Variants in TBC1D9B observed in about 807,000 individuals in gnomAD.
TBC1D9B encodes the protein TBC1 domain family, member 9B (with GRAM domain).
A neutral mutation model predicts 121.1 loss-of-function variants in TBC1D9B; 87 were observed. The ratio of observed to expected loss-of-function variants is 0.72; its 90% CI spans 0.60 to 0.86. The LOEUF is 0.86. Among genes scored for constraint, TBC1D9B ranks in the 40% least tolerant of loss-of-function variants. The pLI is 0.00. For synonymous variants in TBC1D9B, 668 were observed against 670.1 expected (o/e 1.00, Z 0.05); for missense variants, 1,540 against 1,628.6 (o/e 0.95, Z 0.94).
Position 179,868,992 on chromosome 5 carries a change from G to A in TBC1D9B, c.2791+777C>T, listed in dbSNP as rs148242668. On this transcript the variant is annotated intron_variant, in intron 17 of 20. Transcript: ENST00000355235. The stretch of plus-strand genomic sequence containing the variant: ...AAGAGCCTTCAGCTCTGGAGGCACA[G>A]AGCAATGGCCTGCCAGCTTTAAAAA... The A allele has an allele frequency of 5.1e-3, 791 of 154,260 alleles. 8 individuals carry two copies. The highest frequency in any genetic ancestry group is 0.018 in the African/African-American group (763 of 41,588). The allele number at this position is 154,260 out of a possible 1,614,324, so 9.6% of individuals were successfully genotyped here. A position where few individuals can be genotyped will look rare whatever the true frequency, so the allele number is the denominator to read the frequency against.
At chr5:179,873,341 T>C (rs902999965) in intron 12 of TBC1D9B, 93 bp from the exon 13 acceptor site, 2 of 1,450,766 alleles carry the variant, frequency 1.4e-6, no homozygotes, top group African/African-American at 1.4e-5. Context: ...CCAATCTTTA[T>C]GCAGACTCCT....
chr5:179,886,764 T>A (rs1009893988), intron 7 of TBC1D9B, among the ~76,000 whole-genome samples: 1 of 152,240 alleles, frequency 6.6e-6, no homozygotes, highest in Admixed American at 6.5e-5. Flanking sequence ...GCTGGATCTG[T>A]GAATTTGCAT....
Position 179,875,944 on chromosome 5 carries a change from C to T in TBC1D9B, c.1876G>A (p.Asp626Asn), listed in dbSNP as rs777356719. 1.8e-5 allele frequency: 29 copies of T among 1,608,674 alleles called. No individual in the cohort carries two copies. Among genetic ancestry groups the T allele is most frequent in the East Asian group, 1.6e-4 (7 of 44,662 alleles). ...LVALCERMLPDYYNTRVVGAL... is the reference protein window; with the variant it reads ...LVALCERMLPNYYNTRVVGAL... ...CCCACCACCCTGGTGTTGTAGTAGTCGGGCAGCATGCGCTCGCACAGGGCC... is the reference window on the plus strand; with the variant it reads ...CCCACCACCCTGGTGTTGTAGTAGTTGGGCAGCATGCGCTCGCACAGGGCC... The change falls in exon 11 of 21, where the codon GAC becomes AAC. Residue 626 changes from aspartate to asparagine, a missense_variant. Coordinates refer to ENST00000355235, the MANE Select transcript of TBC1D9B (RefSeq NM_015043.4). The surrounding 1 kb of genome is among the most constrained non-coding windows in gnomAD (Gnocchi z 4.5).
intron 2 of TBC1D9B, among the ~76,000 whole-genome samples, chr5:179,903,696 T>C (rs248222): frequency 0.58 from 87,647 of 152,100 alleles, 27,887 homozygotes; most frequent in African/African-American, 0.84. Flanking sequence ...CACGCCTGAA[T>C]GAAGCTGCTC....
chr5:179,879,588 G>T (rs1473815655), intron 8 of TBC1D9B, 40 bp downstream of exon 8: 1 of 1,613,028 alleles, frequency 6.2e-7, no homozygotes. Flanking sequence ...TGAGGGCTCC[G>T]CTCTTGACGG....
chr5:179,892,101 A>G (rs1760883472), intron 5 of TBC1D9B, among the ~76,000 whole-genome samples: 1 of 152,220 alleles, frequency 6.6e-6, no homozygotes, highest in Non-Finnish European at 1.5e-5. Context: ...TGGCTGTGAC[A>G]GTGGCCTGGC....
intron 4 of TBC1D9B, among the ~76,000 whole-genome samples, chr5:179,894,162 A>C (rs1178077380): frequency 6.6e-6 from 1 of 152,180 alleles, no homozygotes; most frequent in Non-Finnish European, 1.5e-5. Flanking sequence ...ACGCGGAGTC[A>C]CCATGTAGAG....
chr5:179,867,526 G>A (rs1240869985), intron 18 of TBC1D9B: 4 of 1,555,696 alleles, frequency 2.6e-6, no homozygotes, highest in African/African-American at 1.4e-5. Context: ...GAGGCAGAGG[G>A]GCAGAGTGGG....
rs777347927 is a variant in TBC1D9B, at chr5:179,890,285, C to A, written c.1044+1094G>T. On this transcript the variant is annotated intron_variant, in intron 6 of 20. Coordinates refer to ENST00000355235, the MANE Select transcript of TBC1D9B (RefSeq NM_015043.4). This position sits in a 1 kb window ranked among gnomAD's most constrained non-coding sequence, Gnocchi z 5.0. Reference sequence around the variant, plus strand: ...GTTCCATCACCAGAGCACACTCAGTCCTCCAGTGTGAGCTAGTCCTGCTCC... The same window carrying A: ...GTTCCATCACCAGAGCACACTCAGTACTCCAGTGTGAGCTAGTCCTGCTCC... Among the ~76,000 whole-genome samples, 7 of 152,226 alleles carry A rather than the reference C, an allele frequency of 4.6e-5. No homozygotes were observed. The highest frequency in any genetic ancestry group is 1.0e-4 in the Non-Finnish European group (7 of 68,034).
At chr5:179,880,972 G>A (rs1760526090) in intron 7 of TBC1D9B, among the ~76,000 whole-genome samples, 1 of 152,204 alleles carries the variant, frequency 6.6e-6, no homozygotes, top group Non-Finnish European at 1.5e-5. Context: ...CAGGCTGTGA[G>A]GTGCCTTGGA....
Position 179,878,356 on chromosome 5 carries a change from C to G in TBC1D9B, c.1735G>C (p.Val579Leu), listed in dbSNP as rs762699890. Residue 579 changes from valine (V) to leucine (L), a missense_variant, in exon 10 of 21, where the codon GTG becomes CTG. Val to Leu is a conservative substitution (Grantham distance 32). Transcript: ENST00000355235. ...NELGIAALRR[V>L]LTAYAFRNPT... ...TTTCGGAAGGCATAGGCAGTCAGCA[C>G]CCGCCGGAGGGCAGCAATCCCCAGC... The G allele has an allele frequency of 6.2e-7, 1 of 1,613,806 alleles. No homozygotes were observed. Among genetic ancestry groups the G allele is most frequent in the East Asian group, 2.2e-5 (1 of 44,878 alleles).
Position 179,904,827 on chromosome 5 carries a change from G to A in TBC1D9B, c.119-15C>T. The A allele has an allele frequency of 3.9e-6, 6 of 1,541,964 alleles. No homozygotes were observed. The highest frequency in any genetic ancestry group is 5.3e-6 in the Non-Finnish European group (6 of 1,141,096). On this transcript the variant is annotated splice_polypyrimidine_tract_variant and intron_variant, in intron 1 of 20. Transcript: ENST00000355235. The surrounding 1 kb of genome is among the most constrained non-coding windows in gnomAD (Gnocchi z 4.2). ...CACGAGAAGACCTGGGAACAGGGCA[G>A]AGAGACATAGAGGGTGAGGGGAGGG... is the stretch of plus-strand genomic sequence containing the variant.
chr5:179,901,690 G>A (rs972226060), intron 2 of TBC1D9B, among the ~76,000 whole-genome samples: 2 of 152,184 alleles, frequency 1.3e-5, no homozygotes, highest in East Asian at 1.9e-4. Flanking sequence ...TGGGAGGATC[G>A]CTTTAGCCAG....
In TBC1D9B at chr5:179,865,474, T is replaced by C; in HGVS notation, c.2915-114A>G. On this transcript the variant is annotated intron_variant, in intron 19 of 20. Transcript: ENST00000355235. The surrounding 1 kb of genome is among the most constrained non-coding windows in gnomAD (Gnocchi z 5.1). ...GCATGGAGTTACCAGGGCCCTATCATAAAACACCCTGGCGTTTGGGAAGGT... is the reference window on the plus strand; with the variant it reads ...GCATGGAGTTACCAGGGCCCTATCACAAAACACCCTGGCGTTTGGGAAGGT... The C allele has an allele frequency of 1.0e-6, 1 of 979,080 alleles. No homozygotes were observed. 60.6% of individuals were successfully genotyped at this position (979,080 alleles called of 1,614,324 possible).
At position 179,870,254 on chromosome 5, in the gene TBC1D9B, C is replaced by G. The variant is rs1212327833; in HGVS notation, c.2725+1G>C. On this transcript the variant is annotated splice_donor_variant, in intron 16 of 20. Transcript: ENST00000355235. LOFTEE classifies it high-confidence loss of function. ...CCCTGGTAGGCCCTGCAGGCACTCACTCATCCCTGTCACGAACTCCTTGAA... is the reference window on the plus strand; with the variant it reads ...CCCTGGTAGGCCCTGCAGGCACTCAGTCATCCCTGTCACGAACTCCTTGAA... 1 of 1,613,852 alleles carries G rather than the reference C, an allele frequency of 6.2e-7. No individual in the cohort carries two copies. The highest frequency in any genetic ancestry group is 1.7e-5 in the Admixed American group (1 of 60,024).
In TBC1D9B at chr5:179,888,268, G is replaced by T. The variant is rs113360976; in HGVS notation, c.1089C>A (p.Ser363Arg). 1.9e-6 allele frequency: 3 copies of T among 1,611,576 alleles called. No individual in the cohort carries two copies. The highest frequency in any genetic ancestry group is 2.5e-6 in the Non-Finnish European group (3 of 1,179,302). The change falls in exon 7 of 21, where the codon AGC becomes AGA. Residue 363 changes from serine to arginine, a missense_variant. Physicochemically the swap from Ser to Arg is moderately radical, Grantham distance 110. Coordinates refer to ENST00000355235, the MANE Select transcript of TBC1D9B (RefSeq NM_015043.4). ...TGCTTTTGGTGCTGATGGACAGGGG[G>T]CTGGGCAGCACGCTGGAGCTGTCAG... is the stretch of plus-strand genomic sequence containing the variant. ...EKADSSSVLP[S>R]PLSISTKSKM...
intron 3 of TBC1D9B, among the ~76,000 whole-genome samples, chr5:179,897,009 C>T (rs948414957): frequency 3.3e-5 from 5 of 151,836 alleles, no homozygotes; most frequent in African/African-American, 1.2e-4. Flanking sequence ...CAGGTTCATG[C>T]CATTCTCCTG....
Position 179,891,458 on chromosome 5 carries a change from T to C in TBC1D9B, c.965A>G (p.Gln322Arg). The C allele has an allele frequency of 1.2e-6, 2 of 1,614,230 alleles. No individual in the cohort carries two copies. Among genetic ancestry groups the C allele is most frequent in the South Asian group, 2.2e-5 (2 of 91,084 alleles). Residue 322 changes from glutamine to arginine, a missense_variant, in exon 6 of 21, where the codon CAG (glutamine) becomes CGG (arginine). Coordinates refer to ENST00000355235, the MANE Select transcript of TBC1D9B (RefSeq NM_015043.4). This position sits in a 1 kb window ranked among gnomAD's most constrained non-coding sequence, Gnocchi z 4.3. ...TPFNKLHIPG[Q>R]MFISNNYICF... ...GATGTAGTTGTTGGAGATGAACATC[T>C]GGCCAGGGATGTGCAGCTTGTTGAA...
rs1023825244 is a variant in TBC1D9B, at chr5:179,875,637, T to C, written c.1900+283A>G. 6.6e-6 allele frequency among the ~76,000 whole-genome samples: 1 copy of C among 152,194 alleles called. No homozygotes were observed. Among genetic ancestry groups the C allele is most frequent in the African/African-American group, 2.4e-5 (1 of 41,452 alleles). On this transcript the variant is annotated intron_variant, in intron 11 of 20. Coordinates refer to ENST00000355235, the MANE Select transcript of TBC1D9B (RefSeq NM_015043.4). This position sits in a 1 kb window ranked among gnomAD's most constrained non-coding sequence, Gnocchi z 4.5. Reference sequence around the variant, plus strand: ...ATTTCCACTTCATAACAGATTTCACTGGATATGAGTTCAGTAAAGTTGAGC... The same window carrying C: ...ATTTCCACTTCATAACAGATTTCACCGGATATGAGTTCAGTAAAGTTGAGC...
Sources: gnomAD v4.1 joint callset for allele counts (sites outside exome capture counted in the v4.1 genomes callset) on GRCh38, gnomAD v4.1.1 for gene constraint, Gnocchi (gnomAD v3.1) non-coding constraint, MANE v1.5 for transcripts, NCBI Gene and HGNC (gene_info 2026-07-23, HGNC 2026-07-21) for gene names.